RFX7: variants seen among roughly 807,000 people sequenced by gnomAD.
The protein encoded by RFX7 is DNA-binding protein RFX7.
A neutral mutation model predicts 111.8 loss-of-function variants in RFX7; 26 were observed. That is an observed-to-expected ratio of 0.23 (90% CI 0.17 to 0.32). The LOEUF (loss-of-function observed/expected upper bound fraction) is 0.32. Ranked by LOEUF, RFX7 falls within the 10% of genes least tolerant of loss-of-function variation. The pLI is 1.00. For missense variants in RFX7, 1,573 were observed against 1,772.9 expected, an observed-to-expected ratio of 0.89 and a Z score of 2.02; for synonymous variants, 624 against 624.4, an observed-to-expected ratio of 1.00 and a Z score of 0.01.
Position 56,093,830 on chromosome 15 carries a change from T to C in RFX7, c.3898A>G (p.Asn1300Asp). Residue 1300 changes from asparagine to aspartate, a missense_variant, in exon 10 of 10, where the codon AAT (asparagine) becomes GAT (aspartate). Transcript: ENST00000559447. ...ACAGAAGTGCTGGAATCGATCATAT[T>C]TTGTGGGTTGGCACTAGGAAAAACA... ...STVFPSANPQ[N>D]MIDSSTSVYE... The C allele has an allele frequency of 1.2e-6, 2 of 1,613,922 alleles. No individual in the cohort carries two copies. Among genetic ancestry groups the C allele is most frequent in the East Asian group, 2.2e-5 (1 of 44,886 alleles).
At chr15:56,181,312 T>C (rs1353268371) in intron 2 of RFX7, among the ~76,000 whole-genome samples, 3 of 152,208 alleles carry the variant, frequency 2.0e-5, no homozygotes, top group Non-Finnish European at 2.9e-5. Context: ...TGTTACTTGC[T>C]CCATGTTATC....
rs1567001736 is a variant in RFX7, at chr15:56,093,844, C to G, written c.3884G>C (p.Ser1295Thr). 2 of 1,613,890 alleles carry G rather than the reference C, an allele frequency of 1.2e-6. No individual in the cohort carries two copies. Residue 1295 changes from serine to threonine, a missense_variant, in exon 10 of 10, where the codon AGT (serine) becomes ACT (threonine). Ser to Thr is a moderately conservative substitution (Grantham distance 58). Around this residue, in one of 7 missense-constraint regions of RFX7, gnomAD observed 411 missense variants for 478.1 expected, o/e 0.86. Coordinates refer to ENST00000559447, the MANE Select transcript of RFX7 (RefSeq NM_022841.7). ...QILEPSTVFP[S>T]ANPQNMIDSS... ...ATCGATCATATTTTGTGGGTTGGCA[C>G]TAGGAAAAACAGTGGAAGGTTCCAA...
At chr15:56,138,750 G>T (rs865887663) in intron 5 of RFX7, among the ~76,000 whole-genome samples, 1 of 152,078 alleles carries the variant, frequency 6.6e-6, no homozygotes, top group African/African-American at 2.4e-5. Context: ...GCAGCAGCTG[G>T]TACTGGTTTT....
chr15:56,219,853 A>G (rs1294114283), intron 2 of RFX7, among the ~76,000 whole-genome samples: 1 of 152,144 alleles, frequency 6.6e-6, no homozygotes, highest in Non-Finnish European at 1.5e-5. Context: ...TTTAGGGTAG[A>G]ATGATTTCTA....
At chr15:56,104,066 G>C (rs1319136047) in intron 5 of RFX7, among the ~76,000 whole-genome samples, 9 of 152,130 alleles carry the variant, frequency 5.9e-5, no homozygotes, top group Non-Finnish European at 7.3e-5. Context: ...ATCAGACAGA[G>C]ATAATACTAC....
intron 5 of RFX7, among the ~76,000 whole-genome samples, chr15:56,106,481 G>A (rs1263223669): frequency 1.3e-5 from 2 of 152,108 alleles, no homozygotes; most frequent in African/African-American, 4.8e-5. Context: ...ACAATACCTA[G>A]AATAGGTTCT....
At position 56,093,549 on chromosome 15, in the gene RFX7, G is replaced by A; in HGVS notation, c.4179C>T (p.Ser1393=). Residue 1393 remains serine, a synonymous_variant, in exon 10 of 10, where the codon AGC becomes AGT. Coordinates refer to ENST00000559447, the MANE Select transcript of RFX7 (RefSeq NM_022841.7). ...GGTCTAAAGTGTTCAAATCATTGAT[G>A]CTGCCTGAGAGCTCAGAAGACAACC... The part of the protein sequence containing the change: ...DIRLSSELSG[S]INDLNTLDPN... The A allele has an allele frequency of 2.5e-6, 4 of 1,613,824 alleles. No individual in the cohort carries two copies. The highest frequency in any genetic ancestry group is 2.5e-6 in the Non-Finnish European group (3 of 1,179,778).
At chr15:56,152,937 T>C (rs1489316014) in intron 3 of RFX7, among the ~76,000 whole-genome samples, 7 of 152,076 alleles carry the variant, frequency 4.6e-5, no homozygotes, top group Non-Finnish European at 7.4e-5. Context: ...AAAACCTCTA[T>C]GCAAATAAAC....
chr15:56,159,281 T>C (rs2042693069), intron 3 of RFX7, among the ~76,000 whole-genome samples: 1 of 152,236 alleles, frequency 6.6e-6, no homozygotes, highest in Non-Finnish European at 1.5e-5. Flanking sequence ...TCTTAGGTAC[T>C]GTGAATAAGG....
chr15:56,183,016 G>C (rs1398392478), intron 2 of RFX7, among the ~76,000 whole-genome samples: 2 of 151,818 alleles, frequency 1.3e-5, no homozygotes, highest in Non-Finnish European at 2.9e-5. Flanking sequence ...ACATGATATA[G>C]GTAATACATA....
At chr15:56,220,036 G>T (rs1211867749) in intron 2 of RFX7, among the ~76,000 whole-genome samples, 1 of 151,924 alleles carries the variant, frequency 6.6e-6, no homozygotes, top group Non-Finnish European at 1.5e-5. Context: ...TCTTTCTGTT[G>T]TTCCCTGACC....
chr15:56,113,857 G>T (rs2041971201), intron 5 of RFX7, among the ~76,000 whole-genome samples: 1 of 152,050 alleles, frequency 6.6e-6, no homozygotes, highest in South Asian at 2.1e-4. Flanking sequence ...TGACAATAAA[G>T]GATATGGGAA....
At chr15:56,142,134 C>T (rs1471389559) in intron 5 of RFX7, among the ~76,000 whole-genome samples, 1 of 152,126 alleles carries the variant, frequency 6.6e-6, no homozygotes, top group African/African-American at 2.4e-5. Context: ...ATAAATTCCT[C>T]CTTCCAAATC....
intron 7 of RFX7, 40 bp from the exon 8 acceptor site, chr15:56,101,606 C>T (rs1285927760): frequency 6.6e-7 from 1 of 1,516,712 alleles, no homozygotes; most frequent in Non-Finnish European, 9.1e-7. Context: ...TGTAAAAGAC[C>T]AGAGAAATTA....
In RFX7 at chr15:56,094,722, A is replaced by T. The variant is rs2041647183; in HGVS notation, c.3006T>A (p.Ile1002=). The T allele has an allele frequency of 6.2e-7, 1 of 1,613,768 alleles. No homozygotes were observed. Among genetic ancestry groups the T allele is most frequent in the Non-Finnish European group, 8.5e-7 (1 of 1,179,866 alleles). The change falls in exon 10 of 10, where the codon ATT becomes ATA. Residue 1002 remains isoleucine, a synonymous_variant. Coordinates refer to ENST00000559447, the MANE Select transcript of RFX7 (RefSeq NM_022841.7). The stretch of plus-strand genomic sequence containing the variant: ...TGCTGCAGTTAGAATGTGGAGTACC[A>T]ATGGGTGTATGTCGGCTACTTCCTA... ...SALGSSRHTP[I]GTPHSNCSSS... is the part of the protein sequence containing the mutation.
intron 3 of RFX7, among the ~76,000 whole-genome samples, chr15:56,148,091 A>G (rs1410410767): frequency 6.6e-6 from 1 of 152,242 alleles, no homozygotes; most frequent in Non-Finnish European, 1.5e-5. Flanking sequence ...ATAATTTCAT[A>G]CTATTGCAGT....
At chr15:56,229,979 C>T (rs1269496731) in intron 2 of RFX7, among the ~76,000 whole-genome samples, 1 of 152,128 alleles carries the variant, frequency 6.6e-6, no homozygotes, top group Admixed American at 6.5e-5. Flanking sequence ...AATCTACCTC[C>T]TTCCTTATCT....
chr15:56,103,646 G>C lies in RFX7; in HGVS notation c.426C>G (p.Tyr142Ter). ...CAAAATCAGCAGCACTTAATGGATG[G>C]TAACCAAGATTGTCACAATAGCTCC... ...EYKSYCDNLG[Y>*]HPLSAADFGK... The change falls in exon 6 of 10, where the codon TAC becomes TAG. Residue 142 changes from tyrosine (Y) to a stop codon, truncating the protein, a stop_gained. Transcript: ENST00000559447. LOFTEE classifies it high-confidence loss of function. The C allele has an allele frequency of 6.3e-7, 1 of 1,597,638 alleles. No individual in the cohort carries two copies.
At position 56,092,416 on chromosome 15, in the gene RFX7, AT is replaced by A. The variant is rs1430936524; in HGVS notation, c.*928del. On this transcript the variant is annotated 3_prime_UTR_variant, in exon 10 of 10. Coordinates refer to ENST00000559447, the MANE Select transcript of RFX7 (RefSeq NM_022841.7). ...AAACTGATTATTGTGGAATATTTTA[AT>A]GAAAAATTTCAAAGTAAATCTCAGT... The A allele has an allele frequency of 6.6e-6, 1 of 152,270 alleles. No individual in the cohort carries two copies. The highest frequency in any genetic ancestry group is 1.5e-5 in the Non-Finnish European group (1 of 67,992). The allele number at this position is 152,270 out of a possible 1,614,324, so 9.4% of individuals were successfully genotyped here. A position where few individuals can be genotyped will look rare whatever the true frequency, so the allele number is the denominator to read the frequency against.
Sources: allele counts gnomAD v4.1 joint callset (sites outside exome capture counted in the v4.1 genomes callset), GRCh38; gene constraint gnomAD v4.1.1; regional missense constraint gnomAD v4.1.1; transcripts MANE v1.5; gene names NCBI Gene and HGNC (gene_info 2026-07-23, HGNC 2026-07-21).